Variants in ARHGAP35 observed in about 807,000 individuals in gnomAD.
ARHGAP35 encodes Rho GTPase activating protein 35.
ARHGAP35 carries 15 observed loss-of-function variants against 111.1 expected under a neutral mutation model. The observed-to-expected ratio is 0.13, with a 90% confidence interval of 0.09 to 0.21. ARHGAP35 has a LOEUF of 0.21. Among genes scored for constraint, ARHGAP35 ranks in the 10% least tolerant of loss-of-function variants. ARHGAP35 has a pLI of 1.00. For synonymous variants in ARHGAP35, 643 were observed against 710.3 expected (o/e 0.91, Z 1.51); for missense variants, 1,262 against 1,873.0 (o/e 0.67, Z 6.02).
chr19:46,956,072 C>T (rs1439144578), intron 3 of ARHGAP35, among the ~76,000 whole-genome samples: 8 of 152,338 alleles, frequency 5.3e-5, no homozygotes, highest in South Asian at 4.1e-4. Flanking sequence ...AATCTCAACA[C>T]TTAGAGAGAC....
chr19:46,923,878 G>C (rs1412946265), intron 2 of ARHGAP35, among the ~76,000 whole-genome samples: 1 of 149,086 alleles, frequency 6.7e-6, no homozygotes, highest in Non-Finnish European at 1.5e-5. Context: ...CCAAGTTCAC[G>C]ACACTGTATT....
In ARHGAP35 at chr19:47,000,069, G is replaced by A. The variant is rs917452541; in HGVS notation, c.4143-262G>A. Reference sequence around the variant, plus strand: ...GCTGGCTGCAGAGTGAGTCCCTGAGGTGGTCCATCCACCCCCAGGGGTTTG... The same window carrying A: ...GCTGGCTGCAGAGTGAGTCCCTGAGATGGTCCATCCACCCCCAGGGGTTTG... On this transcript the variant is annotated intron_variant, in intron 6 of 6. Coordinates refer to ENST00000672722, the MANE Select transcript of ARHGAP35 (RefSeq NM_004491.5). This position sits in a 1 kb window ranked among gnomAD's most constrained non-coding sequence, Gnocchi z 6.9. 6.6e-6 allele frequency among the ~76,000 whole-genome samples: 1 copy of A among 152,176 alleles called. No individual in the cohort carries two copies. The highest frequency in any genetic ancestry group is 1.5e-5 in the Non-Finnish European group (1 of 68,030).
At chr19:46,862,450 C>T (rs1237866885) in intron 1 of ARHGAP35, among the ~76,000 whole-genome samples, 1 of 152,078 alleles carries the variant, frequency 6.6e-6, no homozygotes, top group Non-Finnish European at 1.5e-5. Context: ...TCCTCTCCTC[C>T]CCGTTTTAGC....
chr19:46,861,287 C>T (rs1277452825), intron 1 of ARHGAP35, among the ~76,000 whole-genome samples, 78 bp downstream of exon 1: 2 of 149,662 alleles, frequency 1.3e-5, no homozygotes, highest in Admixed American at 1.3e-4. Context: ...GAGGCGGGGA[C>T]GGCGGGGCCC....
intron 3 of ARHGAP35, among the ~76,000 whole-genome samples, chr19:46,963,954 G>A (rs148565366): frequency 5.3e-5 from 8 of 151,204 alleles, no homozygotes; most frequent in East Asian, 2.0e-4. Flanking sequence ...TGCAATGTCC[G>A]CCTCCCAGGT....
chr19:46,912,558 A>T (rs2056143126), intron 1 of ARHGAP35, among the ~76,000 whole-genome samples: 1 of 151,124 alleles, frequency 6.6e-6, no homozygotes, highest in East Asian at 2.0e-4. Flanking sequence ...GGATTTCACC[A>T]TGTTAGCCAG....
intron 3 of ARHGAP35, among the ~76,000 whole-genome samples, chr19:46,951,308 G>A (rs961488710): frequency 6.6e-6 from 1 of 152,196 alleles, no homozygotes; most frequent in Non-Finnish European, 1.5e-5. Flanking sequence ...TCCAGGACAG[G>A]GGGCGGGGAT....
At chr19:46,982,815 C>G (rs1182009277) in intron 3 of ARHGAP35, among the ~76,000 whole-genome samples, 1 of 151,684 alleles carries the variant, frequency 6.6e-6, no homozygotes, top group Non-Finnish European at 1.5e-5. Context: ...GAGGCAATGG[C>G]AAGAGGATCG....
intron 2 of ARHGAP35, among the ~76,000 whole-genome samples, chr19:46,935,055 T>C (rs1467057456): frequency 6.6e-6 from 1 of 152,232 alleles, no homozygotes; most frequent in African/African-American, 2.4e-5. Context: ...CCTGTAAATG[T>C]ATATCATACA....
chr19:46,877,056 C>T (rs969148014), intron 1 of ARHGAP35, among the ~76,000 whole-genome samples: 5 of 150,040 alleles, frequency 3.3e-5, no homozygotes, highest in African/African-American at 9.8e-5. Context: ...TCGAGACCAG[C>T]CTAACCAACA....
rs1568461129 is a variant in ARHGAP35, at chr19:46,888,308, AT to A, written c.-189+27100del. Among the ~76,000 whole-genome samples the A allele has an allele frequency of 7.9e-4, 53 of 66,916 alleles. 1 individual carries two copies. The highest frequency in any genetic ancestry group is 2.4e-3 in the African/African-American group (43 of 17,792). 43.9% of individuals were successfully genotyped at this position (66,916 alleles called of 152,430 possible). ...TATATATATATATATATATATATAT[AT>A]ATATATATAAAATATTGATTTTATA... On this transcript the variant is annotated intron_variant, in intron 1 of 6. Coordinates refer to ENST00000672722, the MANE Select transcript of ARHGAP35 (RefSeq NM_004491.5).
chr19:46,996,688 G>C (rs2056710754), intron 5 of ARHGAP35, among the ~76,000 whole-genome samples: 1 of 152,228 alleles, frequency 6.6e-6, no homozygotes, highest in Non-Finnish European at 1.5e-5. Flanking sequence ...CCTGTGCCAA[G>C]CTAGCAGCTG....
chr19:46,948,556 C>T (rs925510108), intron 3 of ARHGAP35: 2 of 152,224 alleles, frequency 1.3e-5, no homozygotes, highest in African/African-American at 4.8e-5. Context: ...CCAGTAGGTC[C>T]ATCCATCTGA....
rs117928653 is a variant in ARHGAP35 at position 46,981,999 on chromosome 19, A to T, written c.3827-5990A>T. 1.2e-3 allele frequency among the ~76,000 whole-genome samples: 183 copies of T among 152,254 alleles called. 2 individuals are homozygous for T. In the East Asian group the frequency reaches 0.033, roughly 28 times the overall value. On this transcript the variant is annotated intron_variant, in intron 3 of 6. Coordinates refer to ENST00000672722, the MANE Select transcript of ARHGAP35 (RefSeq NM_004491.5). ...CTCCCAAGTAGCTGAGACTACAAGC[A>T]TGACACCATGCCTGGCTAATTTTTT...
At chr19:46,923,682 G>T (rs2056220572) in intron 2 of ARHGAP35, among the ~76,000 whole-genome samples, 2 of 151,872 alleles carry the variant, frequency 1.3e-5, no homozygotes, top group African/African-American at 2.4e-5. Flanking sequence ...ACTTTTGGAG[G>T]CCGAGGCGGG....
At chr19:46,960,068 C>T (rs2056469984) in intron 3 of ARHGAP35, among the ~76,000 whole-genome samples, 2 of 148,108 alleles carry the variant, frequency 1.4e-5, no homozygotes, top group African/African-American at 5.0e-5. Context: ...TATGATTGCA[C>T]CACTGTACTC....
In ARHGAP35 at chr19:46,912,596, T is replaced by A. The variant is rs1353434120; in HGVS notation, c.-188-5892T>A. Among the ~76,000 whole-genome samples the A allele has an allele frequency of 2.0e-5, 3 of 152,092 alleles. No homozygotes were observed. In the East Asian group the frequency reaches 5.8e-4, roughly 29 times the overall value. On this transcript the variant is annotated intron_variant, in intron 1 of 6. Coordinates refer to ENST00000672722, the MANE Select transcript of ARHGAP35 (RefSeq NM_004491.5). ...TGGTCTTGATCTCCTGACTTCGTGA[T>A]CTGCCCACCTCGGCCTCCCAAAGTG... is the stretch of plus-strand genomic sequence containing the variant.
At position 46,999,175 on chromosome 19, in the gene ARHGAP35, G is replaced by A; in HGVS notation, c.4037-129G>A. On this transcript the variant is annotated intron_variant, in intron 5 of 6. Coordinates refer to ENST00000672722, the MANE Select transcript of ARHGAP35 (RefSeq NM_004491.5). This position sits in a 1 kb window ranked among gnomAD's most constrained non-coding sequence, Gnocchi z 5.4. ...CCAGCCTTGGGCACAGGCTTTGGGG[G>A]AAAGAGTGGGGTTAGTGTCATCCAA... The A allele has an allele frequency of 3.1e-6, 2 of 645,074 alleles. No individual in the cohort carries two copies. The highest frequency in any genetic ancestry group is 2.7e-5 in the East Asian group (1 of 36,566). The allele number at this position is 645,074 out of a possible 1,614,324, so 40.0% of individuals were successfully genotyped here. A position where few individuals can be genotyped will look rare whatever the true frequency, so the allele number is the denominator to read the frequency against.
intron 3 of ARHGAP35, among the ~76,000 whole-genome samples, chr19:46,984,306 C>T (rs1400314161): frequency 6.6e-6 from 1 of 152,158 alleles, no homozygotes; most frequent in African/African-American, 2.4e-5. Flanking sequence ...GGGCCAGAGT[C>T]ACCCCTAGGG....
Sources: allele counts gnomAD v4.1 joint callset (sites outside exome capture counted in the v4.1 genomes callset), GRCh38; gene constraint gnomAD v4.1.1; non-coding constraint Gnocchi (gnomAD v3.1); transcripts MANE v1.5; gene names NCBI Gene and HGNC (gene_info 2026-07-23, HGNC 2026-07-21).